GLIS1: variants seen among roughly 807,000 people sequenced by gnomAD.
GLIS1 encodes the protein GLIS family zinc finger 1, also known as zinc finger protein GLIS1.
In GLIS1, 24 loss-of-function variants were observed where a neutral mutation model predicts 63.8. The observed-to-expected ratio is 0.38, with a 90% CI of 0.27 to 0.53. The LOEUF is 0.53. Among genes scored for constraint, GLIS1 ranks in the 20% least tolerant of loss-of-function variants. GLIS1 has a pLI of 0.85. For synonymous variants in GLIS1, 450 were observed against 482.5 expected (o/e 0.93, Z 0.88); for missense variants, 1,036 against 1,074.1 (o/e 0.96, Z 0.50).
intron 2 of GLIS1, among the ~76,000 whole-genome samples, chr1:53,620,256 T>C (rs1645528659): frequency 6.6e-6 from 1 of 152,244 alleles, no homozygotes; most frequent in African/African-American, 2.4e-5. Context: ...TGGTTAGGGC[T>C]GACCTGTACT....
chr1:53,736,568 T>C (rs1178210300), intron 2 of GLIS1, among the ~76,000 whole-genome samples: 10 of 152,162 alleles, frequency 6.6e-5, no homozygotes, highest in Non-Finnish European at 1.0e-4. Flanking sequence ...TATGTGTGTA[T>C]TCCAGCAATA....
chr1:53,687,910 C>T (rs1646357169), intron 2 of GLIS1, among the ~76,000 whole-genome samples: 1 of 152,200 alleles, frequency 6.6e-6, no homozygotes, highest in South Asian at 2.1e-4. Context: ...TGGTGGCGTC[C>T]ACCACATCAT....
rs553173007 is a variant in GLIS1 at position 53,711,710 on chromosome 1, A to G, written c.259+26096T>C. On this transcript the variant is annotated intron_variant, in intron 2 of 10. Transcript: ENST00000628545. ...TAGCCCAATGGAAATCTCTTGGTTCAGTGTGTGGCATGTAGCATAACCTTC... is the reference window on the plus strand; with the variant it reads ...TAGCCCAATGGAAATCTCTTGGTTCGGTGTGTGGCATGTAGCATAACCTTC... 9.2e-5 allele frequency among the ~76,000 whole-genome samples: 14 copies of G among 152,368 alleles called. 1 individual carries two copies. The South Asian group carries it at 1.7e-3, about 18-fold the overall frequency.
chr1:53,709,907 TGGAG>T (rs1341291353), intron 2 of GLIS1, among the ~76,000 whole-genome samples: 1 of 152,042 alleles, frequency 6.6e-6, no homozygotes, highest in African/African-American at 2.4e-5. Context: ...GGGAGACTGG[TGGAG>T]GGACAGGTAC....
intron 2 of GLIS1, among the ~76,000 whole-genome samples, chr1:53,735,314 A>G (rs797915): frequency 0.054 from 8,166 of 152,240 alleles, 685 homozygotes; most frequent in African/African-American, 0.18. Context: ...TGACCCTTGC[A>G]TGGGCCCTGC....
intron 2 of GLIS1, among the ~76,000 whole-genome samples, chr1:53,636,882 T>C (rs950742832): frequency 2.0e-5 from 3 of 152,226 alleles, no homozygotes; most frequent in African/African-American, 7.2e-5. Flanking sequence ...ACCACTCCTG[T>C]ATTACTCTGT....
At chr1:53,733,563 G>A (rs1646884983) in intron 2 of GLIS1, among the ~76,000 whole-genome samples, 2 of 152,182 alleles carry the variant, frequency 1.3e-5, no homozygotes. Context: ...GGCAGGAAGG[G>A]AAGAGGAATT....
chr1:53,684,466 C>A (rs1461208553), intron 2 of GLIS1, among the ~76,000 whole-genome samples: 1 of 152,112 alleles, frequency 6.6e-6, no homozygotes, highest in Non-Finnish European at 1.5e-5. Flanking sequence ...ATGGGGACCA[C>A]TGCAGGTGAG....
rs117262519 is a variant in GLIS1 at position 53,600,005 on chromosome 1, A to C, written c.437+96T>G. ...GGGCCCCTCGTGCCTCCATTTCCCC[A>C]TGTGTCCCCCCAGCTAAAAAGAGGA... On this transcript the variant is annotated intron_variant, in intron 3 of 10. Transcript: ENST00000628545. 1.1e-3 allele frequency: 750 copies of C among 672,882 alleles called. 12 individuals carry two copies. The East Asian group carries it at 0.024, about 21-fold the overall frequency. 41.7% of individuals were successfully genotyped at this position (672,882 alleles called of 1,614,324 possible).
intron 5 of GLIS1, among the ~76,000 whole-genome samples, chr1:53,525,482 GT>G: frequency 8.6e-6 from 1 of 115,816 alleles, no homozygotes; most frequent in African/African-American, 3.3e-5. Context: ...AGGCTGGGGA[GT>G]CTGGCGGGGC....
At chr1:53,580,968 T>A (rs576030622) in intron 4 of GLIS1, among the ~76,000 whole-genome samples, 11 of 152,084 alleles carry the variant, frequency 7.2e-5, no homozygotes, top group African/African-American at 2.7e-4. Flanking sequence ...ACTGAGCATC[T>A]ACTATGTGGA....
rs528592725 is a variant in GLIS1, at chr1:53,698,387, A to T, written c.259+39419T>A. On this transcript the variant is annotated intron_variant, in intron 2 of 10. Coordinates refer to ENST00000628545, the MANE Select transcript of GLIS1 (RefSeq NM_001367484.1). The stretch of plus-strand genomic sequence containing the variant: ...CGAGCCTCTGCTTCTACATCCCCTC[A>T]CCCTCCCCAGAAGGCAGCTTTTGAC... Among the ~76,000 whole-genome samples the T allele has an allele frequency of 2.4e-4, 36 of 151,774 alleles. 1 individual carries two copies. The South Asian group carries it at 7.3e-3, about 31-fold the overall frequency.
At chr1:53,694,709 T>C (rs993504735) in intron 2 of GLIS1, among the ~76,000 whole-genome samples, 17 of 152,280 alleles carry the variant, frequency 1.1e-4, no homozygotes, top group African/African-American at 3.9e-4. Context: ...CAGACTGGGC[T>C]ACGTGGGGCA....
intron 4 of GLIS1, among the ~76,000 whole-genome samples, chr1:53,556,807 A>G (rs1644838897): frequency 7.3e-6 from 1 of 136,954 alleles, no homozygotes; most frequent in Admixed American, 7.4e-5. Context: ...GTGCAGGTAT[A>G]CTGCAGGTGT....
At chr1:53,663,434 C>T (rs926907881) in intron 2 of GLIS1, among the ~76,000 whole-genome samples, 3 of 152,192 alleles carry the variant, frequency 2.0e-5, no homozygotes, top group Non-Finnish European at 2.9e-5. Context: ...GAGCACTTTC[C>T]GTGAGTTATC....
At chr1:53,548,112 T>C (rs960752264) in intron 4 of GLIS1, among the ~76,000 whole-genome samples, 69 of 152,350 alleles carry the variant, frequency 4.5e-4, no homozygotes, top group African/African-American at 1.5e-3. Context: ...GAGTGCAGGC[T>C]GAATGTCTCC....
chr1:53,675,395 C>G (rs1408459639), intron 2 of GLIS1, among the ~76,000 whole-genome samples: 4 of 152,116 alleles, frequency 2.6e-5, no homozygotes, highest in African/African-American at 9.7e-5. Flanking sequence ...GATGGTGAAG[C>G]CTGTGCTCTG....
At chr1:53,718,443 C>CATATAAA (rs1344672086) in intron 2 of GLIS1, among the ~76,000 whole-genome samples, 5 of 151,866 alleles carry the variant, frequency 3.3e-5, no homozygotes, top group South Asian at 2.1e-4. Context: ...GTAACAGCCC[C>CATATAAA]ATATAAAATA....
chr1:53,551,416 G>A (rs1411578595), intron 4 of GLIS1, among the ~76,000 whole-genome samples: 2 of 152,220 alleles, frequency 1.3e-5, no homozygotes, highest in Non-Finnish European at 2.9e-5. Flanking sequence ...TTATGCAGAG[G>A]AGGGATAATT....
Sources: gnomAD v4.1 joint callset for allele counts (sites outside exome capture counted in the v4.1 genomes callset) on GRCh38, gnomAD v4.1.1 for gene constraint, MANE v1.5 for transcripts, NCBI Gene and HGNC (gene_info 2026-07-23, HGNC 2026-07-21) for gene names.